Variants in CRYL1 observed in about 807,000 individuals in gnomAD.
The protein encoded by CRYL1 is lambda-crystallin homolog.
CRYL1 carries 29 observed loss-of-function variants against 36.6 expected under a neutral mutation model. That is an observed-to-expected ratio of 0.79 (90% CI 0.59 to 1.08). The LOEUF (loss-of-function observed/expected upper bound fraction) is 1.08, where lower values mean the gene tolerates loss of function less well. CRYL1 is among the 50% of genes least tolerant of loss of function. The probability of loss-of-function intolerance (pLI) is 0.00; values close to 1 mark genes in which losing one functional copy is unlikely to be tolerated. For missense variants in CRYL1, 411 were observed against 407.9 expected, an observed-to-expected ratio of 1.01 and a Z score of -0.06; for synonymous variants, 152 against 151.5, an observed-to-expected ratio of 1.00 and a Z score of -0.02.
chr13:20,495,854 G>A (rs1299602304), intron 2 of CRYL1, among the ~76,000 whole-genome samples: 1 of 152,232 alleles, frequency 6.6e-6, no homozygotes, highest in Non-Finnish European at 1.5e-5. Context: ...CTGGAGTGCA[G>A]TGGCGCAGTC....
chr13:20,517,938 G>A (rs370897209), intron 1 of CRYL1, among the ~76,000 whole-genome samples: 606 of 115,968 alleles, frequency 5.2e-3, no homozygotes, highest in East Asian at 5.5e-3. Context: ...TCTGTCTCAA[G>A]AAAAAAAAAA....
intron 2 of CRYL1, among the ~76,000 whole-genome samples, chr13:20,500,123 A>C (rs1345682958): frequency 6.6e-6 from 1 of 152,380 alleles, no homozygotes; most frequent in African/African-American, 2.4e-5. Context: ...GCAGAGCAGG[A>C]GTTGTCTGCA....
intron 3 of CRYL1, among the ~76,000 whole-genome samples, chr13:20,460,628 C>T (rs1465765458): frequency 6.8e-6 from 1 of 146,466 alleles, no homozygotes; most frequent in Non-Finnish European, 1.5e-5. Context: ...CGGGTTCACG[C>T]CATTCTCCTG....
At chr13:20,503,553 T>G (rs1206117421) in intron 2 of CRYL1, among the ~76,000 whole-genome samples, 1 of 152,192 alleles carries the variant, frequency 6.6e-6, no homozygotes, top group African/African-American at 2.4e-5. Context: ...GCACATGCAC[T>G]TTCCAGGCCT....
At chr13:20,412,691 G>C (rs189100024) in intron 6 of CRYL1, among the ~76,000 whole-genome samples, 32 of 152,178 alleles carry the variant, frequency 2.1e-4, no homozygotes, top group African/African-American at 6.5e-4. Flanking sequence ...CTTTCCTTTA[G>C]AGTTACCAGA....
chr13:20,444,811 G>A (rs1247798465), intron 3 of CRYL1, among the ~76,000 whole-genome samples: 1 of 152,184 alleles, frequency 6.6e-6, no homozygotes, highest in Non-Finnish European at 1.5e-5. Context: ...CTGCCTCTCA[G>A]GTTCAAGCGA....
intron 3 of CRYL1, among the ~76,000 whole-genome samples, chr13:20,480,223 A>C (rs1301297325): frequency 2.0e-5 from 3 of 152,162 alleles, no homozygotes; most frequent in Admixed American, 6.5e-5. Flanking sequence ...TCTACTAAAA[A>C]TATAAAAATT....
intron 5 of CRYL1, chr13:20,430,498 AG>A (rs2137387802): frequency 1.0e-6 from 1 of 985,438 alleles, no homozygotes; most frequent in Admixed American, 6.1e-5. Context: ...GACAACCAAA[AG>A]CAGGGTGGAC....
chr13:20,492,222 T>C (rs2033526544), intron 2 of CRYL1, among the ~76,000 whole-genome samples: 1 of 152,222 alleles, frequency 6.6e-6, no homozygotes, highest in African/African-American at 2.4e-5. Flanking sequence ...TAGTATGTTT[T>C]GATCCATCTT....
intron 5 of CRYL1, chr13:20,430,366 C>T: frequency 1.0e-6 from 1 of 985,374 alleles, no homozygotes; most frequent in African/African-American, 1.7e-5. Flanking sequence ...CAGCAGCCAA[C>T]ACAGAGACAT....
At chr13:20,501,017 CT>C (rs547441941) in intron 2 of CRYL1, among the ~76,000 whole-genome samples, 294 of 152,304 alleles carry the variant, frequency 1.9e-3, no homozygotes, top group African/African-American at 6.1e-3. Flanking sequence ...TTGCCCCCCC[CT>C]AGTTCCTGTT....
In CRYL1 at chr13:20,481,422, A is replaced by G. The variant is rs1192698631; in HGVS notation, c.276+7948T>C. 6.6e-6 allele frequency among the ~76,000 whole-genome samples: 1 copy of G among 152,188 alleles called. No individual in the cohort carries two copies. The highest frequency in any genetic ancestry group is 1.5e-5 in the Non-Finnish European group (1 of 68,034). ...ACAAAGAACAGATCAGTGGTGGGCAAGGCCTGGGGAACGGTGGGAGGAAAT... is the reference window on the plus strand; with the variant it reads ...ACAAAGAACAGATCAGTGGTGGGCAGGGCCTGGGGAACGGTGGGAGGAAAT... On this transcript the variant is annotated intron_variant, in intron 3 of 7. Transcript: ENST00000298248. The surrounding 1 kb of genome is among the most constrained non-coding windows in gnomAD (Gnocchi z 4.1).
At chr13:20,453,295 T>C (rs2032609174) in intron 3 of CRYL1, among the ~76,000 whole-genome samples, 1 of 152,172 alleles carries the variant, frequency 6.6e-6, no homozygotes, top group Admixed American at 6.5e-5. Flanking sequence ...GAGAAAAGAA[T>C]ATCTAGGAAA....
rs1260550253 is a variant in CRYL1, at chr13:20,481,167, G to C, written c.276+8203C>G. ...CACACTTCGCAAGTGAAAACTGAAG[G>C]CTCGTGCTTCCAGATGATCTCGTGA... On this transcript the variant is annotated intron_variant, in intron 3 of 7. Transcript: ENST00000298248. The surrounding 1 kb of genome is among the most constrained non-coding windows in gnomAD (Gnocchi z 4.1). Among the ~76,000 whole-genome samples, 1 of 152,202 alleles carries C rather than the reference G, an allele frequency of 6.6e-6. No homozygotes were observed. Among genetic ancestry groups the C allele is most frequent in the Non-Finnish European group, 1.5e-5 (1 of 68,036 alleles).
chr13:20,492,805 A>G (rs187667279), intron 2 of CRYL1, among the ~76,000 whole-genome samples: 1 of 152,276 alleles, frequency 6.6e-6, no homozygotes, highest in African/African-American at 2.4e-5. Context: ...TGTTCTGAGG[A>G]TGATATGCAA....
chr13:20,507,340 G>A (rs1480467041), intron 2 of CRYL1, among the ~76,000 whole-genome samples: 1 of 152,158 alleles, frequency 6.6e-6, no homozygotes, highest in Non-Finnish European at 1.5e-5. Context: ...TTTGATTATT[G>A]ATTGTCTATG....
chr13:20,490,040 C>A (rs1295018705), intron 2 of CRYL1, among the ~76,000 whole-genome samples: 5 of 152,086 alleles, frequency 3.3e-5, no homozygotes, highest in African/African-American at 9.7e-5. Flanking sequence ...ATAAGCCAGT[C>A]ACAAAAGGAA....
chr13:20,507,964 G>A (rs544795781), intron 2 of CRYL1, among the ~76,000 whole-genome samples: 1 of 150,988 alleles, frequency 6.6e-6, no homozygotes. Context: ...TGCCTGGCCA[G>A]GCACAGTGGT....
intron 6 of CRYL1, among the ~76,000 whole-genome samples, chr13:20,407,380 T>A (rs2031405462): frequency 1.3e-5 from 2 of 151,976 alleles, no homozygotes; most frequent in African/African-American, 4.8e-5. Flanking sequence ...TACAACCATG[T>A]CCCAGTAAAC....
Sources: gnomAD v4.1 joint callset for allele counts (sites outside exome capture counted in the v4.1 genomes callset) on GRCh38, gnomAD v4.1.1 for gene constraint, Gnocchi (gnomAD v3.1) non-coding constraint, MANE v1.5 for transcripts, NCBI Gene and HGNC (gene_info 2026-07-23, HGNC 2026-07-21) for gene names.